Variants in DNAH5 observed in about 807,000 individuals in gnomAD.
The protein encoded by DNAH5 is dynein axonemal heavy chain 5.
DNAH5 carries 372 observed loss-of-function variants against 518.2 expected under a neutral mutation model. The ratio of observed to expected loss-of-function variants is 0.72; its 90% CI spans 0.66 to 0.78. The LOEUF (loss-of-function observed/expected upper bound fraction) is 0.78, where lower values mean the gene tolerates loss of function less well. DNAH5 is among the 30% of genes least tolerant of loss of function. The pLI is 0.00. For synonymous variants in DNAH5, 2,039 were observed against 2,025.9 expected, an observed-to-expected ratio of 1.01 and a Z score of -0.17; for missense variants, 5,523 against 5,687.0, an observed-to-expected ratio of 0.97 and a Z score of 0.93.
intron 47 of DNAH5, among the ~76,000 whole-genome samples, chr5:13,806,037 A>G (rs989215997): frequency 3.3e-5 from 5 of 152,176 alleles, no homozygotes; most frequent in Admixed American, 6.5e-5. Flanking sequence ...AAATCACCCC[A>G]CATAATGAAA....
At chr5:13,697,739 G>T (rs772757231) in intron 78 of DNAH5, among the ~76,000 whole-genome samples, 13 of 152,110 alleles carry the variant, frequency 8.5e-5, no homozygotes, top group Non-Finnish European at 1.5e-4. Flanking sequence ...CTAAATCCCA[G>T]AACTAAACTC....
rs567981688 is a variant in DNAH5 at position 13,794,612 on chromosome 5, C to T, written c.7888-554G>A. On this transcript the variant is annotated intron_variant, in intron 47 of 78. Transcript: ENST00000265104. ...AACAAAGCTCACTTATGTCTTCTCT[C>T]TCATTTTTACATTCTGAGCTTAGGC... 3.9e-5 allele frequency among the ~76,000 whole-genome samples: 6 copies of T among 152,340 alleles called. No homozygotes were observed. In the South Asian group the frequency reaches 1.2e-3, roughly 32 times the overall value.
In DNAH5 at chr5:13,807,606, G is replaced by T; in HGVS notation, c.7872C>A (p.Thr2624=). ...GAGCCAGTACCTGGAACATCAGTGG[G>T]GTGGTTGCAGAAGAAAAATTCAGAC... The part of the protein sequence containing the change: ...IKSLNFSSAT[T]PLMFQRTIES... Residue 2624 remains threonine, a synonymous_variant, in exon 47 of 79, where the codon ACC becomes ACA. Transcript: ENST00000265104. The T allele has an allele frequency of 1.2e-6, 2 of 1,613,666 alleles. No individual in the cohort carries two copies. The highest frequency in any genetic ancestry group is 1.7e-6 in the Non-Finnish European group (2 of 1,179,786).
intron 1 of DNAH5, among the ~76,000 whole-genome samples, chr5:13,982,152 C>T (rs1402586786): frequency 6.6e-6 from 1 of 152,240 alleles, no homozygotes; most frequent in Non-Finnish European, 1.5e-5. Flanking sequence ...TGAAATCTCC[C>T]GGATGAAGAT....
At chr5:13,698,420 C>A (rs774809602) in intron 78 of DNAH5, among the ~76,000 whole-genome samples, 69 of 152,324 alleles carry the variant, frequency 4.5e-4, no homozygotes, top group Non-Finnish European at 8.2e-4. Context: ...CAAGCCATTT[C>A]TCCTAGGGGA....
intron 43 of DNAH5, among the ~76,000 whole-genome samples, chr5:13,814,134 T>C (rs568585739): frequency 1.3e-5 from 2 of 152,314 alleles, no homozygotes; most frequent in Non-Finnish European, 2.9e-5. Flanking sequence ...GAAATATTAT[T>C]GCCAAGTTCA....
At chr5:13,846,503 C>T (rs776609848) in intron 31 of DNAH5, among the ~76,000 whole-genome samples, 4 of 152,228 alleles carry the variant, frequency 2.6e-5, no homozygotes, top group East Asian at 1.9e-4. Context: ...GGACAGTTCA[C>T]GATTCGTCAA....
chr5:13,948,778 G>A (rs774617463), upstream of DNAH5, among the ~76,000 whole-genome samples: 6 of 99,018 alleles, frequency 6.1e-5, no homozygotes, highest in African/African-American at 1.2e-4. Context: ...ATAGCTGCAC[G>A]CCGGTAAGGA....
At position 13,729,537 on chromosome 5, in the gene DNAH5, C is replaced by T. The variant is rs1167911121; in HGVS notation, c.11785G>A (p.Ala3929Thr). 2.5e-6 allele frequency: 4 copies of T among 1,613,676 alleles called. No homozygotes were observed. The East Asian group carries it at 6.7e-5, about 27-fold the overall frequency. Residue 3929 changes from alanine to threonine, a missense_variant, in exon 69 of 79, where the codon GCT becomes ACT. Ala to Thr is a moderately conservative substitution (Grantham distance 58, BLOSUM62 0). Transcript: ENST00000265104. ...CATTTTGATGGTTTTGGAGGACAAG[C>T]TTTAAGGTCTAATGAGGCACCTCCT... ...IKGGASLDLKACPPKPSKWIL... is the reference protein window; with the variant it reads ...IKGGASLDLKTCPPKPSKWIL...
chr5:13,710,930 C>T (rs1743401948), intron 75 of DNAH5, among the ~76,000 whole-genome samples: 1 of 152,128 alleles, frequency 6.6e-6, no homozygotes, highest in Non-Finnish European at 1.5e-5. Context: ...CAGAATTCTG[C>T]TAGACATTCA....
chr5:13,789,927 T>C (rs1003141443), intron 50 of DNAH5, among the ~76,000 whole-genome samples: 7 of 152,130 alleles, frequency 4.6e-5, no homozygotes, highest in African/African-American at 1.4e-4. Flanking sequence ...GACATACATG[T>C]GGCCAAGAAA....
At chr5:13,805,375 A>G (rs1206330109) in intron 47 of DNAH5, among the ~76,000 whole-genome samples, 1 of 152,080 alleles carries the variant, frequency 6.6e-6, no homozygotes, top group Non-Finnish European at 1.5e-5. Flanking sequence ...GCCCATGCCT[A>G]TAATCCCAGC....
At chr5:13,985,392 C>G (rs1241773704) in intron 1 of DNAH5, among the ~76,000 whole-genome samples, 1 of 147,310 alleles carries the variant, frequency 6.8e-6, no homozygotes, top group Admixed American at 6.9e-5. Context: ...AAAACCTGCA[C>G]GTTGTGCACA....
intron 38 of DNAH5, among the ~76,000 whole-genome samples, chr5:13,828,464 TATATG>T (rs768175835): frequency 4.5e-4 from 68 of 152,222 alleles, no homozygotes; most frequent in South Asian, 6.2e-4. Flanking sequence ...GTCATGTCCT[TATATG>T]ATATCACCTT....
chr5:13,786,464 A>G, intron 51 of DNAH5, 113 bp from the exon 52 acceptor site: 1 of 1,121,218 alleles, frequency 8.9e-7, no homozygotes, highest in Non-Finnish European at 1.3e-6. Context: ...ATTCATTTTA[A>G]GCTAAATGCC....
At chr5:13,986,199 TG>T (rs1011932054) in intron 1 of DNAH5, among the ~76,000 whole-genome samples, 2 of 152,142 alleles carry the variant, frequency 1.3e-5, no homozygotes, top group Admixed American at 1.3e-4. Flanking sequence ...GAGGAATCGC[TG>T]GGGAGTGAAT....
intron 53 of DNAH5, among the ~76,000 whole-genome samples, chr5:13,778,596 A>AAGAAAGACAG (rs768853052): frequency 9.8e-6 from 1 of 102,152 alleles, no homozygotes; most frequent in Non-Finnish European, 2.0e-5. Context: ...GAAAGAAAGA[A>AAGAAAGACAG]AGAGAGAGAG....
intron 61 of DNAH5, 151 bp downstream of exon 61, chr5:13,758,694 CA>C: frequency 8.9e-7 from 1 of 1,118,282 alleles, no homozygotes; most frequent in South Asian, 1.3e-5. Context: ...CTTGACTGAC[CA>C]TCCTGTTGTC....
chr5:13,928,368 C>G (rs1411829135), intron 2 of DNAH5, among the ~76,000 whole-genome samples, 190 bp from the exon 3 acceptor site: 1 of 152,184 alleles, frequency 6.6e-6, no homozygotes, highest in Non-Finnish European at 1.5e-5. Context: ...ATAGTAAAGA[C>G]TCTGTTCAAA....
Sources: allele counts gnomAD v4.1 joint callset (sites outside exome capture counted in the v4.1 genomes callset), GRCh38; gene constraint gnomAD v4.1.1; transcripts MANE v1.5; gene names NCBI Gene and HGNC (gene_info 2026-07-23, HGNC 2026-07-21).